The following RAB38 variants were observed in gnomAD, a reference collection of about 807,000 sequenced individuals.
RAB38 encodes ras-related protein Rab-38.
RAB38 carries 15 observed loss-of-function variants against 18.4 expected under a neutral mutation model. That is an observed-to-expected ratio of 0.82 (90% CI 0.55 to 1.26). RAB38 has a LOEUF of 1.26. RAB38 is among the 50% of genes most tolerant of loss of function. The probability of loss-of-function intolerance (pLI) is 0.00; values close to 1 mark genes in which losing one functional copy is unlikely to be tolerated. For missense variants in RAB38, 294 were observed against 267.4 expected (o/e 1.10, Z -0.69); for synonymous variants, 101 against 104.4 (o/e 0.97, Z 0.20).
chr11:87,974,737 T>C, the RAB38 span, among the ~76,000 whole-genome samples: 1 of 151,492 alleles, frequency 6.6e-6, no homozygotes. Context: ...GAAATGATAC[T>C]TTATATACAG....
At chr11:87,899,574 A>T in the RAB38 span, among the ~76,000 whole-genome samples, 19 of 151,620 alleles carry the variant, frequency 1.3e-4, no homozygotes, top group Non-Finnish European at 7.4e-5. Flanking sequence ...AGTTGGGAAG[A>T]AAGTTTCTAG....
chr11:87,852,718 T>A, the RAB38 span, among the ~76,000 whole-genome samples: 28 of 152,254 alleles, frequency 1.8e-4, no homozygotes, highest in African/African-American at 6.5e-4. Context: ...AATACGATGG[T>A]TTACATATCG....
the RAB38 span, among the ~76,000 whole-genome samples, chr11:88,082,437 G>C: frequency 6.6e-6 from 1 of 151,826 alleles, no homozygotes; most frequent in Non-Finnish European, 1.5e-5. Flanking sequence ...CAGAGGCATT[G>C]GGAAGTAAAC....
chr11:87,935,813 AATG>A, the RAB38 span, among the ~76,000 whole-genome samples: 2 of 152,116 alleles, frequency 1.3e-5, no homozygotes, highest in African/African-American at 4.8e-5. Flanking sequence ...TCATTTGAAG[AATG>A]ATATGTAAAT....
the RAB38 span, among the ~76,000 whole-genome samples, chr11:87,821,355 C>T: frequency 7.6e-4 from 115 of 152,232 alleles, no homozygotes; most frequent in African/African-American, 2.7e-3. Context: ...ATTCTACACT[C>T]ATTAGAAGTA....
the RAB38 span, among the ~76,000 whole-genome samples, chr11:88,016,948 A>T: frequency 5.8e-4 from 89 of 152,244 alleles, 1 homozygote; most frequent in South Asian, 0.017. Flanking sequence ...GATTAAGCAG[A>T]CTTGCAAACC....
At chr11:88,016,217 T>A in the RAB38 span, among the ~76,000 whole-genome samples, 2 of 152,112 alleles carry the variant, frequency 1.3e-5, no homozygotes, top group Admixed American at 6.6e-5. Context: ...GTATGCTACA[T>A]AGAGGACTTC....
chr11:87,953,821 T>A, the RAB38 span, among the ~76,000 whole-genome samples: 2 of 151,932 alleles, frequency 1.3e-5, no homozygotes, highest in Admixed American at 1.3e-4. Context: ...AATGCTTGCC[T>A]TTTTTAGGCC....
the RAB38 span, among the ~76,000 whole-genome samples, chr11:87,923,648 C>T: frequency 4.0e-5 from 6 of 151,440 alleles, no homozygotes; most frequent in Admixed American, 3.3e-4. Context: ...GATATTATTC[C>T]TCATGTAAAC....
At chr11:87,950,451 G>C in the RAB38 span, among the ~76,000 whole-genome samples, 15 of 152,030 alleles carry the variant, frequency 9.9e-5, no homozygotes, top group Admixed American at 4.6e-4. Context: ...GTTATTTTGT[G>C]CATTAATTAA....
At chr11:87,919,957 A>G in the RAB38 span, among the ~76,000 whole-genome samples, 40 of 151,924 alleles carry the variant, frequency 2.6e-4, no homozygotes, top group African/African-American at 8.7e-4. Flanking sequence ...TGACAAATGT[A>G]TTTCTGTGGC....
the RAB38 span, among the ~76,000 whole-genome samples, chr11:88,075,488 A>C: frequency 6.6e-6 from 1 of 152,204 alleles, no homozygotes; most frequent in South Asian, 2.1e-4. Context: ...TTTCTGAAAC[A>C]AATGAAAATG....
At chr11:88,029,326 G>C in the RAB38 span, among the ~76,000 whole-genome samples, 1 of 150,518 alleles carries the variant, frequency 6.6e-6, no homozygotes, top group African/African-American at 2.4e-5. Flanking sequence ...ATCAACTAAC[G>C]AGCAAAATAA....
chr11:87,908,394 T>G, the RAB38 span, among the ~76,000 whole-genome samples: 1 of 152,130 alleles, frequency 6.6e-6, no homozygotes, highest in Admixed American at 6.6e-5. Context: ...TCACTTTCTC[T>G]TAATGTGGGT....
downstream of RAB38, among the ~76,000 whole-genome samples, chr11:88,111,450 T>C (rs1041473265): frequency 6.6e-6 from 1 of 152,186 alleles, no homozygotes; most frequent in African/African-American, 2.4e-5. Flanking sequence ...GCTGAAGCTG[T>C]AGATTTATTG....
chr11:87,880,800 A>T, the RAB38 span, among the ~76,000 whole-genome samples: 4 of 151,890 alleles, frequency 2.6e-5, no homozygotes, highest in Non-Finnish European at 5.9e-5. Flanking sequence ...TTATTCATTT[A>T]TTCCACAAAT....
At chr11:88,030,385 G>T in the RAB38 span, among the ~76,000 whole-genome samples, 1 of 151,978 alleles carries the variant, frequency 6.6e-6, no homozygotes, top group African/African-American at 2.4e-5. Flanking sequence ...AATCAGAGCA[G>T]AACTGAAGGA....
chr11:88,173,969 C>A, intron 1 of RAB38: 1 of 985,450 alleles, frequency 1.0e-6, no homozygotes, highest in Non-Finnish European at 1.2e-6. Flanking sequence ...CAATCAAATG[C>A]ATCAGCTAAA....
chr11:88,136,377 C>G (rs542285362), intron 2 of RAB38, among the ~76,000 whole-genome samples: 64 of 152,206 alleles, frequency 4.2e-4, no homozygotes, highest in Admixed American at 2.6e-3. Flanking sequence ...ATGTGGCCAA[C>G]AAGACACATC....
Sources: gnomAD v4.1 joint callset for allele counts (sites outside exome capture counted in the v4.1 genomes callset) on GRCh38, gnomAD v4.1.1 for gene constraint, MANE v1.5 for transcripts, NCBI Gene and HGNC (gene_info 2026-07-23, HGNC 2026-07-21) for gene names.